PPP2R2B: variants seen among roughly 807,000 people sequenced by gnomAD.
PPP2R2B encodes the protein protein phosphatase 2 regulatory subunit Bbeta.
In PPP2R2B, 5 loss-of-function variants were observed where a neutral mutation model predicts 46.0. That is an observed-to-expected ratio of 0.11 (90% CI 0.06 to 0.23). PPP2R2B has a LOEUF of 0.23. Ranked by LOEUF, PPP2R2B falls within the 10% of genes least tolerant of loss-of-function variation. The pLI is 1.00. For missense variants in PPP2R2B, 367 were observed against 575.0 expected (o/e 0.64, Z 3.70); for synonymous variants, 215 against 206.7 (o/e 1.04, Z -0.34).
chr5:146,600,586 G>C, intron 7 of PPP2R2B, 126 bp from the exon 8 acceptor site: 3 of 891,582 alleles, frequency 3.4e-6, no homozygotes, highest in Non-Finnish European at 5.1e-6. Flanking sequence ...TCTGCAGAAT[G>C]TAAGTTGCTA....
chr5:147,052,893 G>A (rs1248088353), intron 1 of PPP2R2B, among the ~76,000 whole-genome samples: 1 of 152,080 alleles, frequency 6.6e-6, no homozygotes, highest in Non-Finnish European at 1.5e-5. Context: ...AGGGCTCAGA[G>A]TGAGGGAGGG....
intron 9 of PPP2R2B, among the ~76,000 whole-genome samples, chr5:146,590,436 G>A (rs1167704073): frequency 6.9e-6 from 1 of 145,308 alleles, no homozygotes; most frequent in African/African-American, 2.6e-5. Flanking sequence ...AAAGCAATAG[G>A]ATTTTTGGCT....
At chr5:146,747,564 G>C (rs1227200919) in intron 2 of PPP2R2B, among the ~76,000 whole-genome samples, 1 of 152,120 alleles carries the variant, frequency 6.6e-6, no homozygotes, top group Non-Finnish European at 1.5e-5. Context: ...TAATTACAAA[G>C]TATTTTTGCA....
chr5:146,847,445 C>T (rs1250136725), intron 2 of PPP2R2B, among the ~76,000 whole-genome samples: 1 of 152,172 alleles, frequency 6.6e-6, no homozygotes, highest in Non-Finnish European at 1.5e-5. Context: ...CCATTACTCT[C>T]CTTTTATCTG....
At chr5:146,876,786 A>G (rs1761921798) in intron 2 of PPP2R2B, among the ~76,000 whole-genome samples, 1 of 152,138 alleles carries the variant, frequency 6.6e-6, no homozygotes. Flanking sequence ...TTTCAATAGC[A>G]CTGGACATTC....
intron 5 of PPP2R2B, among the ~76,000 whole-genome samples, chr5:146,687,162 C>T (rs1303069444): frequency 6.6e-6 from 1 of 152,010 alleles, no homozygotes; most frequent in African/African-American, 2.4e-5. Flanking sequence ...AATAATGGCA[C>T]TAATTATTAA....
chr5:146,987,374 A>G (rs1464551565), intron 1 of PPP2R2B, among the ~76,000 whole-genome samples: 2 of 152,154 alleles, frequency 1.3e-5, no homozygotes, highest in East Asian at 3.8e-4. Context: ...CCATATCTTT[A>G]GTGTAAGTAC....
At chr5:146,779,801 G>T (rs1427484672) in intron 2 of PPP2R2B, among the ~76,000 whole-genome samples, 1 of 152,108 alleles carries the variant, frequency 6.6e-6, no homozygotes, top group African/African-American at 2.4e-5. Flanking sequence ...CTCTGCATAA[G>T]GTAGGGTGTG....
intron 7 of PPP2R2B, among the ~76,000 whole-genome samples, chr5:146,636,231 C>T (rs1227148550): frequency 1.3e-5 from 2 of 152,034 alleles, no homozygotes; most frequent in Non-Finnish European, 2.9e-5. Context: ...AACCGGGGTA[C>T]CTGTATATAT....
intron 2 of PPP2R2B, among the ~76,000 whole-genome samples, chr5:146,827,516 C>T (rs1388841129): frequency 2.0e-5 from 3 of 152,198 alleles, no homozygotes; most frequent in Non-Finnish European, 4.4e-5. Context: ...TGAACCCTTT[C>T]AAGAGCTTGC....
At chr5:146,601,438 AG>A (rs1771778519) in intron 7 of PPP2R2B, among the ~76,000 whole-genome samples, 2 of 152,304 alleles carry the variant, frequency 1.3e-5, no homozygotes, top group South Asian at 4.1e-4. Flanking sequence ...TGCTATAAAA[AG>A]TTAGCCAGGC....
In PPP2R2B at chr5:146,780,298, T is replaced by A. The variant is rs190502996; in HGVS notation, c.71-79156A>T. On this transcript the variant is annotated intron_variant, in intron 2 of 9. Coordinates refer to ENST00000394411, the MANE Select transcript of PPP2R2B (RefSeq NM_181675.4). ...ATTGTGGGATATTTTATACATTAAA[T>A]TATTTTTTAAAATGGGCAATGTTTA... 5.8e-4 allele frequency among the ~76,000 whole-genome samples: 88 copies of A among 152,320 alleles called. 1 individual carries two copies. Among genetic ancestry groups the A allele is most frequent in the African/African-American group, 2.0e-3 (83 of 41,576 alleles).
chr5:146,988,410 T>G (rs2151860085), intron 1 of PPP2R2B, among the ~76,000 whole-genome samples: 1 of 152,066 alleles, frequency 6.6e-6, no homozygotes, highest in Middle Eastern at 3.4e-3. Context: ...TGAAATCATA[T>G]CAAGTATCCT....
chr5:146,702,024 T>A (rs1462461512), intron 2 of PPP2R2B, among the ~76,000 whole-genome samples: 2 of 139,072 alleles, frequency 1.4e-5, no homozygotes, highest in Non-Finnish European at 1.5e-5. Context: ...CCTGCAGGGC[T>A]CCAACAATTG....
intron 1 of PPP2R2B, among the ~76,000 whole-genome samples, chr5:146,979,741 AC>A (rs1753080571): frequency 6.6e-6 from 1 of 152,222 alleles, no homozygotes; most frequent in South Asian, 2.1e-4. Context: ...AGTTTAATTT[AC>A]AAATAAGGCA....
At chr5:146,695,918 TAGA>T (rs1240559536) in intron 4 of PPP2R2B, among the ~76,000 whole-genome samples, 6 of 152,198 alleles carry the variant, frequency 3.9e-5, no homozygotes, top group Non-Finnish European at 8.8e-5. Context: ...GAATTTTTCT[TAGA>T]AGAATCATTT....
At chr5:146,968,599 AAG>A (rs1160516829) in intron 1 of PPP2R2B, among the ~76,000 whole-genome samples, 1 of 152,224 alleles carries the variant, frequency 6.6e-6, no homozygotes, top group African/African-American at 2.4e-5. Context: ...TCAATAATAG[AAG>A]AGTTCTTTAA....
Position 146,593,012 on chromosome 5 carries a change from G to A in PPP2R2B, c.1011C>T (p.Cys337=), listed in dbSNP as rs752137263. The change falls in exon 9 of 10, where the codon TGC becomes TGT. Residue 337 remains cysteine (C), a synonymous_variant. Coordinates refer to ENST00000394411, the MANE Select transcript of PPP2R2B (RefSeq NM_181675.4). The stretch of plus-strand genomic sequence containing the variant: ...ACACACACTCAAATTTATCAAAAAT[G>A]CAGTCATTTTCATAGAGGGAACACA... The part of the protein sequence containing the change: ...SKLCSLYEND[C]IFDKFECVWN... 20 of 1,613,922 alleles carry A rather than the reference G, an allele frequency of 1.2e-5. No individual in the cohort carries two copies. Among genetic ancestry groups the A allele is most frequent in the East Asian group, 2.2e-5 (1 of 44,892 alleles).
chr5:146,839,383 G>A (rs1759491623), intron 2 of PPP2R2B, among the ~76,000 whole-genome samples: 1 of 152,134 alleles, frequency 6.6e-6, no homozygotes, highest in African/African-American at 2.4e-5. Flanking sequence ...AGCCGGGCAT[G>A]GTGGCATGTG....
Sources: gnomAD v4.1 joint callset for allele counts (sites outside exome capture counted in the v4.1 genomes callset) on GRCh38, gnomAD v4.1.1 for gene constraint, MANE v1.5 for transcripts, NCBI Gene and HGNC (gene_info 2026-07-23, HGNC 2026-07-21) for gene names.